ERBB4: variants seen among roughly 807,000 people sequenced by gnomAD.
The protein encoded by ERBB4 is receptor tyrosine-protein kinase erbB-4.
Under a neutral mutation model 158.0 loss-of-function variants are expected in ERBB4, and 42 were observed. The observed-to-expected ratio is 0.27, with a 90% CI of 0.21 to 0.34. The LOEUF (loss-of-function observed/expected upper bound fraction) is 0.34, where lower values mean the gene tolerates loss of function less well. Among genes scored for constraint, ERBB4 ranks in the 10% least tolerant of loss-of-function variants. The pLI is 1.00. For missense variants in ERBB4, 1,333 were observed against 1,624.1 expected (o/e 0.82, Z 3.08); for synonymous variants, 583 against 558.7 (o/e 1.04, Z -0.61).
chr2:212,275,950 C>T (rs1360120168), intron 1 of ERBB4, among the ~76,000 whole-genome samples: 4 of 151,758 alleles, frequency 2.6e-5, no homozygotes, highest in Non-Finnish European at 5.9e-5. Flanking sequence ...CTAGGCTATA[C>T]AGATTGTTGA....
chr2:211,632,750 C>A (rs2070192990), intron 16 of ERBB4, among the ~76,000 whole-genome samples: 1 of 151,814 alleles, frequency 6.6e-6, no homozygotes, highest in Non-Finnish European at 1.5e-5. Context: ...TAATGGTAAT[C>A]AAAATAAGAC....
At chr2:211,786,185 G>T (rs1178255998) in intron 4 of ERBB4, among the ~76,000 whole-genome samples, 1 of 152,102 alleles carries the variant, frequency 6.6e-6, no homozygotes, top group Admixed American at 6.5e-5. Context: ...TGAGTGATTG[G>T]TTGGTGGTAT....
intron 4 of ERBB4, among the ~76,000 whole-genome samples, chr2:211,772,994 G>T: frequency 7.3e-6 from 1 of 136,362 alleles, no homozygotes; most frequent in Admixed American, 7.7e-5. Context: ...CTGTTGCCCA[G>T]GTTGCTCTCA....
At chr2:212,244,099 A>G (rs1254913289) in intron 1 of ERBB4, among the ~76,000 whole-genome samples, 2 of 152,164 alleles carry the variant, frequency 1.3e-5, no homozygotes, top group Admixed American at 1.3e-4. Flanking sequence ...GGTTTCAACA[A>G]TATGATAAAG....
chr2:211,861,112 T>TTATA (rs2078023886), intron 3 of ERBB4, among the ~76,000 whole-genome samples: 6 of 29,164 alleles, frequency 2.1e-4, no homozygotes, highest in African/African-American at 9.3e-4. Flanking sequence ...TATATATATT[T>TTATA]ATATATATAT....
At chr2:212,485,457 G>C (rs1016352824) in intron 1 of ERBB4, among the ~76,000 whole-genome samples, 1 of 152,180 alleles carries the variant, frequency 6.6e-6, no homozygotes, top group African/African-American at 2.4e-5. Flanking sequence ...ACAAGAGAAG[G>C]CTGAACAGCT....
Position 211,893,091 on chromosome 2 carries a change from C to T in ERBB4, c.421+54339G>A, listed in dbSNP as rs533572060. 1.1e-3 allele frequency among the ~76,000 whole-genome samples: 159 copies of T among 146,704 alleles called. 3 individuals carry two copies. The highest frequency in any genetic ancestry group is 2.3e-3 in the Admixed American group (35 of 14,968). On this transcript the variant is annotated intron_variant, in intron 3 of 27. Coordinates refer to ENST00000342788, the MANE Select transcript of ERBB4 (RefSeq NM_005235.3). ...GTTCATATGGAACCAAAAAAGAGCCCGCATCGCCAAGTCAATCCTAAGCCA... is the reference window on the plus strand; with the variant it reads ...GTTCATATGGAACCAAAAAAGAGCCTGCATCGCCAAGTCAATCCTAAGCCA...
intron 3 of ERBB4, among the ~76,000 whole-genome samples, chr2:211,848,543 C>A (rs973841102): frequency 2.6e-5 from 4 of 151,990 alleles, no homozygotes; most frequent in Admixed American, 2.6e-4. Context: ...GAAGCAATAT[C>A]TATTAATGTG....
intron 1 of ERBB4, among the ~76,000 whole-genome samples, chr2:212,444,881 G>T (rs577212290): frequency 4.6e-4 from 70 of 152,040 alleles, no homozygotes; most frequent in African/African-American, 1.6e-3. Context: ...ATCATGGAAA[G>T]GGCAGAGGTT....
intron 1 of ERBB4, among the ~76,000 whole-genome samples, chr2:212,149,959 C>T (rs937949839): frequency 2.0e-5 from 3 of 152,148 alleles, no homozygotes; most frequent in African/African-American, 7.2e-5. Context: ...CACTTAACTC[C>T]AGTATCTAAA....
At chr2:212,079,495 T>A (rs1301175635) in intron 2 of ERBB4, among the ~76,000 whole-genome samples, 1 of 152,092 alleles carries the variant, frequency 6.6e-6, no homozygotes, top group Non-Finnish European at 1.5e-5. Flanking sequence ...AATGACTAAC[T>A]CCTTATTTTA....
intron 12 of ERBB4, among the ~76,000 whole-genome samples, chr2:211,680,464 T>C (rs1310399069): frequency 6.6e-6 from 1 of 152,236 alleles, no homozygotes; most frequent in East Asian, 1.9e-4. Flanking sequence ...ATCTTTCCAT[T>C]AGTTACCAAC....
intron 2 of ERBB4, among the ~76,000 whole-genome samples, chr2:212,054,156 G>C (rs1319183012): frequency 2.0e-5 from 3 of 152,138 alleles, no homozygotes; most frequent in Admixed American, 6.5e-5. Context: ...GCTATGTGGA[G>C]TATATGTGCT....
chr2:212,002,824 C>T (rs969572076), intron 2 of ERBB4, among the ~76,000 whole-genome samples: 6 of 151,738 alleles, frequency 4.0e-5, no homozygotes, highest in Admixed American at 6.6e-5. Context: ...TTTGGGAGGC[C>T]GAGGCGGGCG....
chr2:211,403,614 T>A (rs1307079565), intron 25 of ERBB4, among the ~76,000 whole-genome samples: 1 of 152,134 alleles, frequency 6.6e-6, no homozygotes, highest in Non-Finnish European at 1.5e-5. Flanking sequence ...AACTACCATA[T>A]AGCTGCTTTA....
chr2:212,080,047 G>A (rs1005273932), intron 2 of ERBB4, among the ~76,000 whole-genome samples: 4 of 151,964 alleles, frequency 2.6e-5, no homozygotes, highest in African/African-American at 9.7e-5. Flanking sequence ...ACAGAAATCA[G>A]CTGGGTGTGA....
intron 2 of ERBB4, among the ~76,000 whole-genome samples, chr2:212,091,140 T>C (rs2078762441): frequency 1.3e-5 from 2 of 150,180 alleles, no homozygotes; most frequent in African/African-American, 4.9e-5. Flanking sequence ...ATGTGAAAAA[T>C]AATGGCATTT....
chr2:211,975,156 T>A (rs1435181310), intron 2 of ERBB4, among the ~76,000 whole-genome samples: 2 of 152,116 alleles, frequency 1.3e-5, no homozygotes, highest in African/African-American at 4.8e-5. Flanking sequence ...AATTTTTGTA[T>A]CTTTTTGTAG....
chr2:211,384,280 C>A (rs2062638419), intron 27 of ERBB4, among the ~76,000 whole-genome samples: 1 of 152,094 alleles, frequency 6.6e-6, no homozygotes, highest in Non-Finnish European at 1.5e-5. Flanking sequence ...CCAACGAGGC[C>A]AGAATCAGAA....
Sources: gnomAD v4.1 joint callset for allele counts (sites outside exome capture counted in the v4.1 genomes callset) on GRCh38, gnomAD v4.1.1 for gene constraint, MANE v1.5 for transcripts, NCBI Gene and HGNC (gene_info 2026-07-23, HGNC 2026-07-21) for gene names.